PRKAR1B: variants seen among roughly 807,000 people sequenced by gnomAD.
The protein encoded by PRKAR1B is cAMP-dependent protein kinase type I-beta regulatory subunit.
A neutral mutation model predicts 46.5 loss-of-function variants in PRKAR1B; 22 were observed. That is an observed-to-expected ratio of 0.47 (90% confidence interval 0.34 to 0.68). The LOEUF (loss-of-function observed/expected upper bound fraction) is 0.68, where lower values mean the gene tolerates loss of function less well. Among genes scored for constraint, PRKAR1B ranks in the 30% least tolerant of loss-of-function variants. PRKAR1B has a pLI of 0.01. For synonymous variants in PRKAR1B, 259 were observed against 217.7 expected, an observed-to-expected ratio of 1.19 and a Z score of -1.67; for missense variants, 445 against 535.6, an observed-to-expected ratio of 0.83 and a Z score of 1.67.
intron 3 of PRKAR1B, 112 bp downstream of exon 3, chr7:680,444 A>T: frequency 3.6e-6 from 4 of 1,107,474 alleles, no homozygotes; most frequent in Non-Finnish European, 5.0e-6. Context: ...AACCAGGATG[A>T]CACTGAGACC....
intron 9 of PRKAR1B, among the ~76,000 whole-genome samples, chr7:568,066 A>G (rs1779282339): frequency 6.6e-6 from 1 of 152,240 alleles, no homozygotes; most frequent in South Asian, 2.1e-4. Context: ...TTTTAAAAAC[A>G]AAACATTTTT....
chr7:677,311 T>TG lies in PRKAR1B; in HGVS notation c.357dup (p.Lys120GlnfsTer24). ...AGCGCAGTCATGGTTTTGTAGTCCTTGGGAATCACCTGAAGCGGAGCCAAC... is the reference window on the plus strand; with the variant it reads ...AGCGCAGTCATGGTTTTGTAGTCCTTGGGGAATCACCTGAAGCGGAGCCAAC... On this transcript the variant is annotated frameshift_variant, in exon 4 of 11. Transcript: ENST00000537384. LOFTEE classifies it high-confidence loss of function. 1.9e-6 allele frequency: 3 copies of TG among 1,614,206 alleles called. No individual in the cohort carries two copies. The highest frequency in any genetic ancestry group is 2.5e-6 in the Non-Finnish European group (3 of 1,180,014).
intron 2 of PRKAR1B, among the ~76,000 whole-genome samples, chr7:685,941 A>G (rs138913316): frequency 2.1e-4 from 32 of 152,342 alleles, no homozygotes; most frequent in African/African-American, 6.5e-4. Context: ...TCAGATAACA[A>G]AAACATAATA....
At chr7:664,451 C>T (rs547413277) in intron 4 of PRKAR1B, among the ~76,000 whole-genome samples, 4 of 152,296 alleles carry the variant, frequency 2.6e-5, no homozygotes, top group East Asian at 1.9e-4. Context: ...CTCTGGGCCT[C>T]GGGTCCCCAT....
chr7:630,349 C>G (rs936092315), intron 4 of PRKAR1B, among the ~76,000 whole-genome samples: 1 of 152,140 alleles, frequency 6.6e-6, no homozygotes, highest in South Asian at 2.1e-4. Flanking sequence ...ACTGGCCGGC[C>G]GGGAGCTGGA....
intron 4 of PRKAR1B, among the ~76,000 whole-genome samples, chr7:641,955 G>T (rs895672157): frequency 1.3e-5 from 2 of 151,900 alleles, no homozygotes; most frequent in Admixed American, 6.6e-5. Flanking sequence ...CCAGATTAGG[G>T]CACAGTGGCA....
At chr7:652,419 GAA>G (rs148766587) in intron 4 of PRKAR1B, among the ~76,000 whole-genome samples, 1 of 142,022 alleles carries the variant, frequency 7.0e-6, no homozygotes, top group South Asian at 2.3e-4. Flanking sequence ...GGAACCTGGG[GAA>G]ACCCCTCTCG....
chr7:601,453 C>T (rs1271878840), intron 6 of PRKAR1B, among the ~76,000 whole-genome samples: 1 of 152,238 alleles, frequency 6.6e-6, no homozygotes, highest in Non-Finnish European at 1.5e-5. Context: ...CATAACTCAC[C>T]CGGGCTACCC....
chr7:590,960 G>A (rs1262258991), intron 7 of PRKAR1B, among the ~76,000 whole-genome samples: 2 of 152,022 alleles, frequency 1.3e-5, no homozygotes, highest in African/African-American at 2.4e-5. Flanking sequence ...AGTGGCAGGC[G>A]CAATGACCCA....
At chr7:601,538 G>A (rs1223817127) in intron 6 of PRKAR1B, among the ~76,000 whole-genome samples, 1 of 152,186 alleles carries the variant, frequency 6.6e-6, no homozygotes, top group Non-Finnish European at 1.5e-5. Context: ...TCACCCACAC[G>A]GGCCCTGCGG....
chr7:662,096 C>G (rs531966847), intron 4 of PRKAR1B, among the ~76,000 whole-genome samples: 9 of 100,352 alleles, frequency 9.0e-5, no homozygotes, highest in South Asian at 5.0e-4. Flanking sequence ...ACTCTCCCCC[C>G]CATGGCACAG....
At chr7:634,583 T>A (rs1783936279) in intron 4 of PRKAR1B, among the ~76,000 whole-genome samples, 1 of 151,624 alleles carries the variant, frequency 6.6e-6, no homozygotes, top group South Asian at 2.1e-4. Flanking sequence ...TTCCTGCTTG[T>A]TCTTAGGAGA....
At chr7:566,153 CA>C (rs1779112253) in intron 9 of PRKAR1B, among the ~76,000 whole-genome samples, 1 of 150,422 alleles carries the variant, frequency 6.6e-6, no homozygotes, top group Non-Finnish European at 1.5e-5. Flanking sequence ...TTATCATTAC[CA>C]TTACCATCAT....
At chr7:704,697 A>C (rs1780227208) in intron 2 of PRKAR1B, among the ~76,000 whole-genome samples, 1 of 152,006 alleles carries the variant, frequency 6.6e-6, no homozygotes, top group African/African-American at 2.4e-5. Context: ...TGAACCCAGG[A>C]GGGGCGGGTT....
At chr7:680,460 G>T in intron 3 of PRKAR1B, 96 bp downstream of exon 3, 1 of 1,231,214 alleles carries the variant, frequency 8.1e-7, no homozygotes, top group African/African-American at 1.5e-5. Context: ...AGACCCCCAG[G>T]AGGATGAGGG....
intron 4 of PRKAR1B, among the ~76,000 whole-genome samples, chr7:615,525 G>T (rs1193630804): frequency 6.6e-6 from 1 of 151,184 alleles, no homozygotes; most frequent in African/African-American, 2.4e-5. Flanking sequence ...AGAAAGGAAA[G>T]AAAGAGAGAG....
At chr7:680,324 C>A (rs1334202672) in intron 3 of PRKAR1B, among the ~76,000 whole-genome samples, 1 of 152,106 alleles carries the variant, frequency 6.6e-6, no homozygotes, top group Non-Finnish European at 1.5e-5. Context: ...CTGCAGTGAC[C>A]CCACACAGAG....
intron 4 of PRKAR1B, among the ~76,000 whole-genome samples, chr7:617,456 C>T (rs1323433976): frequency 1.3e-5 from 2 of 152,104 alleles, no homozygotes; most frequent in Non-Finnish European, 2.9e-5. Flanking sequence ...CAGCCCGAAC[C>T]ACCACCCCCA....
intron 4 of PRKAR1B, among the ~76,000 whole-genome samples, chr7:626,831 C>G (rs1285689647): frequency 6.6e-6 from 1 of 152,070 alleles, no homozygotes; most frequent in Non-Finnish European, 1.5e-5. Context: ...CCGCCTCAGC[C>G]TCTCAAGTAG....
Sources: gnomAD v4.1 joint callset for allele counts (sites outside exome capture counted in the v4.1 genomes callset) on GRCh38, gnomAD v4.1.1 for gene constraint, MANE v1.5 for transcripts, NCBI Gene and HGNC (gene_info 2026-07-23, HGNC 2026-07-21) for gene names.